The following ANKFN1 variants were observed in gnomAD, a reference collection of about 807,000 sequenced individuals.
ANKFN1 encodes the protein ankyrin repeat and fibronectin type III domain containing 1.
In ANKFN1, 74 loss-of-function variants were observed where a neutral mutation model predicts 108.7. The ratio of observed to expected loss-of-function variants is 0.68; its 90% confidence interval spans 0.56 to 0.83. The LOEUF (loss-of-function observed/expected upper bound fraction) is 0.83. Among genes scored for constraint, ANKFN1 ranks in the 40% least tolerant of loss-of-function variants. The probability of loss-of-function intolerance (pLI) is 0.00; values close to 1 mark genes in which losing one functional copy is unlikely to be tolerated. For synonymous variants in ANKFN1, 547 were observed against 516.2 expected, an observed-to-expected ratio of 1.06 and a Z score of -0.81; for missense variants, 1,505 against 1,382.3, an observed-to-expected ratio of 1.09 and a Z score of -1.41.
chr17:56,351,920 G>T (rs890815526), intron 5 of ANKFN1, among the ~76,000 whole-genome samples: 2 of 152,130 alleles, frequency 1.3e-5, no homozygotes, highest in East Asian at 3.9e-4. Context: ...GCCAAAGTTT[G>T]CCAACAAAAG....
At chr17:56,091,194 A>G (rs1463392179) in intron 4 of ANKFN1, among the ~76,000 whole-genome samples, 1 of 151,148 alleles carries the variant, frequency 6.6e-6, no homozygotes, top group Non-Finnish European at 1.5e-5. Flanking sequence ...ATAAAGTCCT[A>G]TACCAACCCA....
intron 2 of ANKFN1, chr17:56,215,887 C>T (rs115283917): frequency 2.0e-3 from 312 of 152,610 alleles, no homozygotes; most frequent in African/African-American, 7.1e-3. Context: ...ATTGTGTTGC[C>T]GGAGAAGCCT....
At chr17:56,482,601 C>T (rs2050747488) in intron 18 of ANKFN1, 77 bp downstream of exon 18, 4 of 1,512,852 alleles carry the variant, frequency 2.6e-6, no homozygotes, top group South Asian at 2.7e-5. Context: ...TCTGTTCCCC[C>T]TTGTCCCAGT....
At chr17:56,199,286 A>G (rs1809596416) in intron 1 of ANKFN1, among the ~76,000 whole-genome samples, 2 of 149,036 alleles carry the variant, frequency 1.3e-5, no homozygotes, top group Middle Eastern at 3.5e-3. Flanking sequence ...AAAAAAAAAG[A>G]CACAGACTTT....
Position 56,293,009 on chromosome 17 carries a change from C to A in ANKFN1, c.54-33212C>A, listed in dbSNP as rs567252002. 9.9e-5 allele frequency among the ~76,000 whole-genome samples: 15 copies of A among 152,266 alleles called. No individual in the cohort carries two copies. In the East Asian group the frequency reaches 1.4e-3, roughly 14 times the overall value. ...GTTCAGACAACATTTATTTCATGCC[C>A]ATTTATATGCCAATGGTCATCAATT... On this transcript the variant is annotated intron_variant, in intron 3 of 20. Transcript: ENST00000682825.
At chr17:56,076,870 G>A (rs1480359420) in intron 4 of ANKFN1, among the ~76,000 whole-genome samples, 4 of 152,160 alleles carry the variant, frequency 2.6e-5, no homozygotes. Context: ...TCTTCTGTTT[G>A]TCACCAACCT....
intron 2 of ANKFN1, among the ~76,000 whole-genome samples, chr17:56,220,876 G>A (rs537552588): frequency 1.6e-5 from 1 of 64,350 alleles, no homozygotes; most frequent in African/African-American, 1.1e-4. Flanking sequence ...GGAAGGGAGG[G>A]AGGGAGGGAG....
chr17:56,048,056 C>G (rs540763217), intron 4 of ANKFN1, among the ~76,000 whole-genome samples: 32 of 152,164 alleles, frequency 2.1e-4, no homozygotes, highest in Non-Finnish European at 3.7e-4. Context: ...ATTTTTGACA[C>G]GGTTGTAACT....
intron 8 of ANKFN1, among the ~76,000 whole-genome samples, chr17:56,384,163 G>A (rs1422869065): frequency 6.6e-6 from 1 of 152,262 alleles, no homozygotes; most frequent in East Asian, 1.9e-4. Flanking sequence ...GGGATGCAAG[G>A]CTGGCTCAAT....
intron 4 of ANKFN1, among the ~76,000 whole-genome samples, chr17:56,109,507 A>G (rs761654634): frequency 1.3e-5 from 2 of 152,188 alleles, no homozygotes; most frequent in Non-Finnish European, 2.9e-5. Context: ...CCAATGTCCC[A>G]TGGGAAGCAA....
chr17:56,472,543 T>C (rs2050356214), intron 15 of ANKFN1: 1 of 152,206 alleles, frequency 6.6e-6, no homozygotes, highest in South Asian at 2.1e-4. Flanking sequence ...TCTGATCTTC[T>C]CACTTCATAT....
chr17:56,423,643 G>T (rs62072863), intron 8 of ANKFN1, among the ~76,000 whole-genome samples: 1 of 151,900 alleles, frequency 6.6e-6, no homozygotes, highest in Non-Finnish European at 1.5e-5. Context: ...CTCTCTCCCT[G>T]GAATGCCCCA....
chr17:56,394,344 G>T (rs1376901754), intron 8 of ANKFN1, among the ~76,000 whole-genome samples: 1 of 152,164 alleles, frequency 6.6e-6, no homozygotes, highest in Non-Finnish European at 1.5e-5. Flanking sequence ...CACCAACTTA[G>T]TAGAGCAGCT....
chr17:56,480,888 G>GT, intron 17 of ANKFN1, 70 bp downstream of exon 17: 1 of 1,337,266 alleles, frequency 7.5e-7, no homozygotes, highest in African/African-American at 1.8e-5. Flanking sequence ...CATTAAGTGG[G>GT]GTGTGTGTGT....
chr17:56,436,803 C>T (rs1390185075), intron 8 of ANKFN1, among the ~76,000 whole-genome samples: 2 of 149,918 alleles, frequency 1.3e-5, no homozygotes, highest in African/African-American at 2.5e-5. Flanking sequence ...TGCCACTGCA[C>T]TCCAGCCTAG....
Position 56,058,151 on chromosome 17 carries a change from T to C in ANKFN1, c.288+11826T>C, listed in dbSNP as rs564896002. Among the ~76,000 whole-genome samples the C allele has an allele frequency of 4.6e-5, 7 of 152,342 alleles. No individual in the cohort carries two copies. The South Asian group carries it at 1.2e-3, about 27-fold the overall frequency. On this transcript the variant is annotated intron_variant, in intron 4 of 12. Transcript: ENST00000635860. ...ATGGTAAATGAACAATGGCTTCAAC[T>C]TAAAGTCACCAGCTGCATTGGTCTC...
intron 20 of ANKFN1, among the ~76,000 whole-genome samples, chr17:56,502,118 G>A (rs990842577): frequency 6.6e-6 from 1 of 152,136 alleles, no homozygotes; most frequent in African/African-American, 2.4e-5. Flanking sequence ...TGTATGCTAC[G>A]ATGTCCCACA....
intron 4 of ANKFN1, among the ~76,000 whole-genome samples, chr17:56,342,661 T>C (rs142015140): frequency 1.9e-3 from 291 of 152,072 alleles, no homozygotes; most frequent in Non-Finnish European, 3.5e-3. Context: ...GTCCAAGAGA[T>C]TGTTTGATAT....
In ANKFN1 at chr17:56,156,093, T is replaced by C. The variant is rs919611442; in HGVS notation, c.-71+2563T>C. Reference sequence around the variant, plus strand: ...CTCTCACTCTTTTTTTTTTTTTTTTTCCTTGAGATAGAGTCTCACTCTGTC... The same window carrying C: ...CTCTCACTCTTTTTTTTTTTTTTTTCCCTTGAGATAGAGTCTCACTCTGTC... On this transcript the variant is annotated intron_variant, in intron 1 of 20. Transcript: ENST00000682825. Among the ~76,000 whole-genome samples, 13 of 150,958 alleles carry C rather than the reference T, an allele frequency of 8.6e-5. No homozygotes were observed. In the East Asian group the frequency reaches 9.7e-4, roughly 11 times the overall value.
Sources: gnomAD v4.1 joint callset for allele counts (sites outside exome capture counted in the v4.1 genomes callset) on GRCh38, gnomAD v4.1.1 for gene constraint, MANE v1.5 for transcripts, NCBI Gene and HGNC (gene_info 2026-07-23, HGNC 2026-07-21) for gene names.